Variants in CNTN6 observed in about 807,000 individuals in gnomAD.
The protein encoded by CNTN6 is contactin-6.
Under a neutral mutation model 122.8 loss-of-function variants are expected in CNTN6, and 137 were observed. That is an observed-to-expected ratio of 1.12 (90% confidence interval 0.97 to 1.29). The LOEUF is 1.29. Ranked by LOEUF, CNTN6 falls within the 50% of genes most tolerant of loss-of-function variation. The pLI is 0.00. For missense variants in CNTN6, 1,634 were observed against 1,223.4 expected (o/e 1.34, Z -5.01); for synonymous variants, 570 against 426.0 (o/e 1.34, Z -4.16).
At chr3:1,308,395 G>A (rs1055300835) in intron 7 of CNTN6, among the ~76,000 whole-genome samples, 5 of 151,250 alleles carry the variant, frequency 3.3e-5, no homozygotes. Context: ...TCATGCCCTA[G>A]TCATAGAAGC....
At chr3:1,239,224 A>C (rs1323196167) in intron 4 of CNTN6, among the ~76,000 whole-genome samples, 1 of 152,206 alleles carries the variant, frequency 6.6e-6, no homozygotes, top group Non-Finnish European at 1.5e-5. Flanking sequence ...AAAAGAAGTC[A>C]AACTGTCTCT....
chr3:1,245,305 TA>T (rs1263156010), intron 4 of CNTN6, among the ~76,000 whole-genome samples: 1,407 of 10,554 alleles, frequency 0.13, 298 homozygotes, highest in Middle Eastern at 0.33. Context: ...CATATATATA[TA>T]TATATATATA....
chr3:1,363,920 C>T (rs1499115), intron 12 of CNTN6, among the ~76,000 whole-genome samples: 117,201 of 151,768 alleles, frequency 0.77, 46,070 homozygotes, highest in African/African-American at 0.93. Flanking sequence ...AGATAACAGT[C>T]ATCTCTTGTC....
intron 1 of CNTN6, among the ~76,000 whole-genome samples, chr3:1,114,054 G>A (rs546662702): frequency 1.3e-4 from 20 of 152,286 alleles, no homozygotes; most frequent in African/African-American, 4.8e-4. Flanking sequence ...AGAAAGAGAT[G>A]ATTTCCAGCT....
intron 7 of CNTN6, 37 bp from the exon 8 acceptor site, chr3:1,321,613 A>G (rs1700853680): frequency 2.6e-6 from 4 of 1,529,276 alleles, no homozygotes; most frequent in Non-Finnish European, 8.8e-7. Flanking sequence ...CATAAAGATT[A>G]AACCGTCTTC....
chr3:1,228,638 T>G (rs1238658178), intron 4 of CNTN6, among the ~76,000 whole-genome samples: 1 of 152,156 alleles, frequency 6.6e-6, no homozygotes, highest in Non-Finnish European at 1.5e-5. Context: ...AAGCCTTGCT[T>G]GAGAGTAATT....
chr3:1,226,463 C>T (rs986758829), intron 3 of CNTN6, among the ~76,000 whole-genome samples: 1 of 152,176 alleles, frequency 6.6e-6, no homozygotes, highest in Non-Finnish European at 1.5e-5. Context: ...CCTCACTCTT[C>T]TTCTCTGAAG....
At chr3:1,222,241 GT>G (rs2094216985) in intron 3 of CNTN6, among the ~76,000 whole-genome samples, 1 of 152,076 alleles carries the variant, frequency 6.6e-6, no homozygotes, top group Non-Finnish European at 1.5e-5. Context: ...TTCAGAGTTT[GT>G]TGATTTGTTA....
At chr3:1,288,865 G>C (rs1376934161) in intron 5 of CNTN6, among the ~76,000 whole-genome samples, 3 of 152,158 alleles carry the variant, frequency 2.0e-5, no homozygotes, top group African/African-American at 7.2e-5. Context: ...TTGTATGCTT[G>C]AGAGAGCAGC....
intron 9 of CNTN6, 23 bp from the exon 10 acceptor site, chr3:1,327,434 T>C: frequency 6.2e-7 from 1 of 1,606,592 alleles, no homozygotes; most frequent in Non-Finnish European, 8.5e-7. Flanking sequence ...ACAAGCATCT[T>C]TATATGCCTT....
At chr3:1,217,860 A>G (rs2094149756) in intron 2 of CNTN6, among the ~76,000 whole-genome samples, 1 of 152,170 alleles carries the variant, frequency 6.6e-6, no homozygotes, top group Non-Finnish European at 1.5e-5. Context: ...AACAATCCTC[A>G]ATATTTGGGG....
At chr3:1,130,476 G>C (rs1032318126) in intron 1 of CNTN6, among the ~76,000 whole-genome samples, 1 of 152,106 alleles carries the variant, frequency 6.6e-6, no homozygotes, top group Non-Finnish European at 1.5e-5. Context: ...ATGGGGAATT[G>C]ATAAATAAAT....
Position 1,383,044 on chromosome 3 carries a change from G to T in CNTN6, c.2269G>T (p.Glu757Ter). Residue 757 changes from glutamate (E) to a stop codon, truncating the protein, a stop_gained, in exon 18 of 23, where the codon GAA becomes TAA. Coordinates refer to ENST00000446702, the MANE Select transcript of CNTN6 (RefSeq NM_001289080.2). LOFTEE classifies it high-confidence loss of function. ...TWSKEKVSSV[E>*]SSRFVYRNES... ...GTCCAAGGAGAAAGTGTCATCTGTG[G>T]AATCATCAAGGTTTGTCTACAGAAA... 6.2e-7 allele frequency: 1 copy of T among 1,614,026 alleles called. No individual in the cohort carries two copies. Among genetic ancestry groups the T allele is most frequent in the African/African-American group, 1.3e-5 (1 of 75,018 alleles).
chr3:1,331,416 C>T (rs1461669650), intron 11 of CNTN6, among the ~76,000 whole-genome samples: 2 of 151,966 alleles, frequency 1.3e-5, no homozygotes, highest in South Asian at 4.1e-4. Context: ...GGAAATCCCT[C>T]AAGACATAGG....
intron 1 of CNTN6, among the ~76,000 whole-genome samples, chr3:1,118,566 C>T (rs945251547): frequency 6.6e-6 from 1 of 152,030 alleles, no homozygotes; most frequent in Non-Finnish European, 1.5e-5. Context: ...TTATTCTTGT[C>T]TCTTGAGGTC....
rs770886733 is a variant in CNTN6 at position 1,403,363 on chromosome 3, T to A, written c.3032T>A (p.Phe1011Tyr). 6.2e-7 allele frequency: 1 copy of A among 1,611,710 alleles called. No individual in the cohort carries two copies. The highest frequency in any genetic ancestry group is 8.5e-7 in the Non-Finnish European group (1 of 1,178,806). Reference protein sequence around the residue: ...GIQFLEPSTHFLSIVIVIFHC... With the variant: ...GIQFLEPSTHYLSIVIVIFHC... ...CAATTCTTAGAACCTAGCACCCATT[T>A]TCTTTCCATTGTCATTGTGATTTTT... Residue 1011 changes from phenylalanine to tyrosine, a missense_variant, in exon 23 of 23, where the codon TTT becomes TAT. By Grantham distance (22) the Phe-to-Tyr change is conservative. Coordinates refer to ENST00000446702, the MANE Select transcript of CNTN6 (RefSeq NM_001289080.2).
intron 2 of CNTN6, among the ~76,000 whole-genome samples, chr3:1,181,030 C>T (rs560603334): frequency 1.6e-4 from 25 of 152,086 alleles, no homozygotes; most frequent in African/African-American, 4.8e-4. Flanking sequence ...TGACTGCTTA[C>T]ACTGTTGTAG....
intron 1 of CNTN6, among the ~76,000 whole-genome samples, chr3:1,113,100 G>A (rs1180461638): frequency 6.6e-6 from 1 of 152,090 alleles, no homozygotes; most frequent in Non-Finnish European, 1.5e-5. Flanking sequence ...CGTCTCTTGA[G>A]GAGTCTGACA....
intron 2 of CNTN6, among the ~76,000 whole-genome samples, chr3:1,173,931 T>G (rs943954478): frequency 6.6e-6 from 1 of 152,148 alleles, no homozygotes; most frequent in African/African-American, 2.4e-5. Context: ...AATTTTAAAT[T>G]CCTTTCTATC....
Sources: allele counts gnomAD v4.1 joint callset (sites outside exome capture counted in the v4.1 genomes callset), GRCh38; gene constraint gnomAD v4.1.1; transcripts MANE v1.5; gene names NCBI Gene and HGNC (gene_info 2026-07-23, HGNC 2026-07-21).